The following FAM178B variants were observed in gnomAD, a reference collection of about 807,000 sequenced individuals.
FAM178B encodes the protein protein FAM178B.
In FAM178B, 82 loss-of-function variants were observed where a neutral mutation model predicts 91.7. That is an observed-to-expected ratio of 0.89 (90% CI 0.75 to 1.07). FAM178B has a LOEUF of 1.07. Among genes scored for constraint, FAM178B ranks in the 50% least tolerant of loss-of-function variants. The probability of loss-of-function intolerance (pLI) is 0.00; values close to 1 mark genes in which losing one functional copy is unlikely to be tolerated. For missense variants in FAM178B, 769 were observed against 846.7 expected, an observed-to-expected ratio of 0.91 and a Z score of 1.14; for synonymous variants, 368 against 359.4, an observed-to-expected ratio of 1.02 and a Z score of -0.27.
Position 96,951,373 on chromosome 2 carries a change from C to A in FAM178B, c.993+6G>T. On this transcript the variant is annotated splice_donor_region_variant and intron_variant, in intron 7 of 16. Transcript: ENST00000490605. ...CGCCACCTAGTGGCAGGCCTGCGGT[C>A]CTCACCTGGAACAGCCACTGGAGCA... 6.5e-7 allele frequency: 1 copy of A among 1,547,248 alleles called. No individual in the cohort carries two copies. Among genetic ancestry groups the A allele is most frequent in the South Asian group, 1.2e-5 (1 of 83,968 alleles).
chr2:96,958,955 C>T (rs188951681), intron 6 of FAM178B, among the ~76,000 whole-genome samples: 2,454 of 151,868 alleles, frequency 0.016, 75 homozygotes, highest in African/African-American at 0.056. Flanking sequence ...AATCCCAGCA[C>T]TTTGGGAGGC....
chr2:96,965,110 C>T (rs1195036614), intron 5 of FAM178B, among the ~76,000 whole-genome samples: 1 of 152,170 alleles, frequency 6.6e-6, no homozygotes, highest in African/African-American at 2.4e-5. Flanking sequence ...AGTGATTCTC[C>T]TGCTTCAGCC....
chr2:96,881,483 A>C (rs2080383146), intron 14 of FAM178B, among the ~76,000 whole-genome samples: 1 of 149,754 alleles, frequency 6.7e-6, no homozygotes, highest in African/African-American at 2.5e-5. Flanking sequence ...CAGACCTTTC[A>C]CTCCCCACTG....
Position 96,920,530 on chromosome 2 carries a change from G to A in FAM178B, c.1562+635C>T, listed in dbSNP as rs551010912. 7.0e-4 allele frequency among the ~76,000 whole-genome samples: 106 copies of A among 152,178 alleles called. 4 individuals are homozygous for A. The South Asian group carries it at 0.021, about 31-fold the overall frequency. ...CAGGAGTATGGCGTGAACCCAGAAGGTGGAGCTTGCAGCGAGCCGAGATCG... is the reference window on the plus strand; with the variant it reads ...CAGGAGTATGGCGTGAACCCAGAAGATGGAGCTTGCAGCGAGCCGAGATCG... On this transcript the variant is annotated intron_variant, in intron 12 of 16. Coordinates refer to ENST00000490605, the MANE Select transcript of FAM178B (RefSeq NM_001122646.3).
chr2:96,972,639 C>T (rs2153375822), intron 1 of FAM178B, 33 bp from the exon 2 acceptor site: 5 of 1,543,694 alleles, frequency 3.2e-6, no homozygotes, highest in Non-Finnish European at 4.4e-6. Flanking sequence ...GCAGGTGAAC[C>T]TCCAGAAGAA....
At chr2:96,915,834 A>G (rs1176360895) in intron 12 of FAM178B, among the ~76,000 whole-genome samples, 1 of 151,998 alleles carries the variant, frequency 6.6e-6, no homozygotes, top group Non-Finnish European at 1.5e-5. Flanking sequence ...AGAAAAAAAG[A>G]AAGGGGGAAA....
At chr2:96,884,016 G>A (rs1474559459) in intron 14 of FAM178B, among the ~76,000 whole-genome samples, 1 of 152,234 alleles carries the variant, frequency 6.6e-6, no homozygotes, top group Non-Finnish European at 1.5e-5. Context: ...CGGAGTCTGG[G>A]AAAGGCTGAA....
At chr2:96,953,113 T>C (rs369849085) in intron 6 of FAM178B, among the ~76,000 whole-genome samples, 1 of 152,180 alleles carries the variant, frequency 6.6e-6, no homozygotes, top group Non-Finnish European at 1.5e-5. Context: ...GAAAGCAGCT[T>C]TGTTCCTGTG....
chr2:96,898,161 G>C (rs2080858619), intron 13 of FAM178B: 31 of 972,228 alleles, frequency 3.2e-5, no homozygotes, highest in Non-Finnish European at 3.5e-5. Flanking sequence ...TCGATTGATA[G>C]GATTTCTCCA....
At chr2:96,925,118 C>G (rs2081414272) in intron 9 of FAM178B, among the ~76,000 whole-genome samples, 1 of 152,170 alleles carries the variant, frequency 6.6e-6, no homozygotes, top group Non-Finnish European at 1.5e-5. Flanking sequence ...TGAGGGGAAG[C>G]TCTGGTTCGT....
intron 10 of FAM178B, among the ~76,000 whole-genome samples, chr2:96,922,756 G>T (rs1394333078): frequency 1.3e-5 from 2 of 152,140 alleles, no homozygotes; most frequent in African/African-American, 4.8e-5. Context: ...CCAGGCTGGA[G>T]TGCAATGGTG....
chr2:96,907,641 G>A (rs1030907657), intron 12 of FAM178B, among the ~76,000 whole-genome samples: 2 of 152,252 alleles, frequency 1.3e-5, no homozygotes, highest in Non-Finnish European at 2.9e-5. Flanking sequence ...CAGAGGAGTC[G>A]AAGGCACTGA....
intron 14 of FAM178B, among the ~76,000 whole-genome samples, chr2:96,887,244 C>T (rs950683376): frequency 6.8e-6 from 1 of 146,474 alleles, no homozygotes; most frequent in African/African-American, 2.5e-5. Flanking sequence ...AACAACAAAC[C>T]GTTTGCAGAA....
At chr2:96,985,925 C>A (rs2153376776) in intron 1 of FAM178B, among the ~76,000 whole-genome samples, 1 of 152,292 alleles carries the variant, frequency 6.6e-6, no homozygotes, top group South Asian at 2.1e-4. Context: ...CACCAGCTAC[C>A]CTTTGCACCC....
intron 9 of FAM178B, among the ~76,000 whole-genome samples, chr2:96,924,455 C>A (rs551802175): frequency 6.6e-6 from 1 of 152,206 alleles, no homozygotes; most frequent in Non-Finnish European, 1.5e-5. Context: ...GGCTGAGCAC[C>A]AGATGATGTT....
chr2:96,911,233 G>A (rs777744424), intron 12 of FAM178B, among the ~76,000 whole-genome samples: 3 of 152,180 alleles, frequency 2.0e-5, no homozygotes, highest in African/African-American at 7.2e-5. Flanking sequence ...CACGGCCCGC[G>A]TCAGTGAGGG....
intron 4 of FAM178B, among the ~76,000 whole-genome samples, chr2:96,968,347 C>T (rs2082173582): frequency 6.6e-6 from 1 of 152,098 alleles, no homozygotes; most frequent in African/African-American, 2.4e-5. Flanking sequence ...CCCCACACAC[C>T]TGTTACCTTG....
At chr2:96,902,869 G>A (rs2080960615) in intron 12 of FAM178B, among the ~76,000 whole-genome samples, 162 bp from the exon 13 acceptor site, 1 of 152,186 alleles carries the variant, frequency 6.6e-6, no homozygotes, top group Admixed American at 6.5e-5. Flanking sequence ...ATGTATTCTA[G>A]GAGGAATGAA....
Position 96,970,751 on chromosome 2 carries a change from G to T in FAM178B, c.591C>A (p.Tyr197Ter). 1.3e-6 allele frequency: 2 copies of T among 1,551,430 alleles called. No homozygotes were observed. Among genetic ancestry groups the T allele is most frequent in the Non-Finnish European group, 1.7e-6 (2 of 1,146,836 alleles). Residue 197 changes from tyrosine (Y) to a stop codon, truncating the protein, a stop_gained, in exon 4 of 17, where the codon TAC (tyrosine) becomes TAA (stop). Coordinates refer to ENST00000490605, the MANE Select transcript of FAM178B (RefSeq NM_001122646.3). LOFTEE classifies it high-confidence loss of function. ...PEFSWGGSGS[Y>*]FNNLDYLLQE... ...GCAGTAAGTAGTCCAGGTTGTTGAA[G>T]TAGCTTCCTGAGCCCCCCCAGGAAA...
Sources: allele counts gnomAD v4.1 joint callset (sites outside exome capture counted in the v4.1 genomes callset), GRCh38; gene constraint gnomAD v4.1.1; transcripts MANE v1.5; gene names NCBI Gene and HGNC (gene_info 2026-07-23, HGNC 2026-07-21).